The following SORCS3 variants were observed in gnomAD, a reference collection of about 807,000 sequenced individuals.
The protein encoded by SORCS3 is VPS10 domain-containing receptor SorCS3.
SORCS3 carries 57 observed loss-of-function variants against 146.3 expected under a neutral mutation model. That is an observed-to-expected ratio of 0.39 (90% CI 0.31 to 0.49). The LOEUF is 0.49. SORCS3 is among the 20% of genes least tolerant of loss of function. The pLI, the probability that SORCS3 is intolerant of heterozygous loss-of-function variation, is 0.92. For synonymous variants in SORCS3, 653 were observed against 618.5 expected, an observed-to-expected ratio of 1.06 and a Z score of -0.83; for missense variants, 1,341 against 1,575.5, an observed-to-expected ratio of 0.85 and a Z score of 2.52.
At chr10:104,952,729 A>G (rs115577292) in intron 3 of SORCS3, among the ~76,000 whole-genome samples, 1,825 of 152,264 alleles carry the variant, frequency 0.012, 48 homozygotes, top group African/African-American at 0.042. Flanking sequence ...CACAGACAAC[A>G]AATGTTTTTG....
intron 2 of SORCS3, among the ~76,000 whole-genome samples, chr10:104,914,721 T>C (rs1023239750): frequency 5.9e-4 from 90 of 152,290 alleles, no homozygotes; most frequent in African/African-American, 1.9e-3. Flanking sequence ...TGATTAGCAT[T>C]AGAAGGTGGA....
chr10:105,083,509 C>G (rs930144846), intron 5 of SORCS3, among the ~76,000 whole-genome samples: 1 of 152,110 alleles, frequency 6.6e-6, no homozygotes, highest in Non-Finnish European at 1.5e-5. Flanking sequence ...TGCCTCTCCT[C>G]CCCTCCCTAA....
chr10:104,885,929 C>A (rs1289446666), intron 2 of SORCS3, among the ~76,000 whole-genome samples: 1 of 152,132 alleles, frequency 6.6e-6, no homozygotes, highest in East Asian at 1.9e-4. Context: ...TTTTCTGTGA[C>A]TGATGACTTA....
chr10:104,706,458 C>T (rs879852021), intron 1 of SORCS3, among the ~76,000 whole-genome samples: 6 of 152,080 alleles, frequency 3.9e-5, no homozygotes, highest in Admixed American at 2.0e-4. Flanking sequence ...CCGCCCACCT[C>T]GGCCTCCCAA....
chr10:105,089,814 C>T lies in SORCS3; in HGVS notation c.1068C>T (p.His356=). Residue 356 remains histidine, a synonymous_variant, in exon 6 of 27, where the codon CAC becomes CAT. Transcript: ENST00000369701. ...AGLDKEADLV[H]MEVRTTDGYA... is the part of the protein sequence containing the mutation. ...TGGATAAGGAGGCGGACCTGGTGCA[C>T]ATGGAGGTGCGGACCACGGATGGAT... 6.2e-7 allele frequency: 1 copy of T among 1,614,104 alleles called. No homozygotes were observed.
intron 2 of SORCS3, among the ~76,000 whole-genome samples, chr10:104,852,796 A>G (rs1333280567): frequency 1.3e-5 from 2 of 152,176 alleles, no homozygotes; most frequent in African/African-American, 2.4e-5. Flanking sequence ...AAGGTTAATA[A>G]TTGGAATGTG....
At chr10:105,036,282 T>C (rs1201480707) in intron 4 of SORCS3, among the ~76,000 whole-genome samples, 1 of 152,082 alleles carries the variant, frequency 6.6e-6, no homozygotes, top group Non-Finnish European at 1.5e-5. Context: ...GATCACTCCT[T>C]CCTTTGAGTT....
intron 4 of SORCS3, among the ~76,000 whole-genome samples, chr10:105,025,084 G>T (rs898323299): frequency 6.6e-6 from 1 of 152,164 alleles, no homozygotes; most frequent in African/African-American, 2.4e-5. Flanking sequence ...AGACAGAAGG[G>T]TAGAAACAAA....
At position 105,217,008 on chromosome 10, in the gene SORCS3, C is replaced by T. The variant is rs2056669205; in HGVS notation, c.2620C>T (p.Pro874Ser). ...TGCTGTGTCCTACGCAAACTTCAGC[C>T]CCATCGAGGACGGCATCAAGCACGT... Reference protein sequence around the residue: ...GIAVSYANFSPIEDGIKHVYK... With the variant: ...GIAVSYANFSSIEDGIKHVYK... The change falls in exon 19 of 27, where the codon CCC becomes TCC. Residue 874 changes from proline (P) to serine (S), a missense_variant. Pro to Ser is a moderately conservative substitution (Grantham distance 74, BLOSUM62 -1). Coordinates refer to ENST00000369701, the MANE Select transcript of SORCS3 (RefSeq NM_014978.3). 6.2e-7 allele frequency: 1 copy of T among 1,614,034 alleles called. No homozygotes were observed. Among genetic ancestry groups the T allele is most frequent in the African/African-American group, 1.3e-5 (1 of 74,892 alleles).
At chr10:104,699,531 G>A (rs898447331) in intron 1 of SORCS3, among the ~76,000 whole-genome samples, 1 of 152,120 alleles carries the variant, frequency 6.6e-6, no homozygotes, top group African/African-American at 2.4e-5. Context: ...AGATGAATGA[G>A]TAGAAGATGA....
chr10:104,997,026 A>T (rs1481389956), intron 4 of SORCS3, among the ~76,000 whole-genome samples: 1 of 152,152 alleles, frequency 6.6e-6, no homozygotes, highest in Non-Finnish European at 1.5e-5. Flanking sequence ...GATATTCTAG[A>T]TAGTGCAAAC....
chr10:104,726,120 C>T (rs1162229107), intron 1 of SORCS3, among the ~76,000 whole-genome samples: 4 of 152,306 alleles, frequency 2.6e-5, no homozygotes, highest in South Asian at 2.1e-4. Flanking sequence ...CTTTGATCCA[C>T]CCCAGTCTGC....
intron 2 of SORCS3, among the ~76,000 whole-genome samples, chr10:104,897,737 A>G (rs1467620760): frequency 6.6e-6 from 1 of 152,194 alleles, no homozygotes; most frequent in Non-Finnish European, 1.5e-5. Flanking sequence ...AGTGCAGAAT[A>G]TAGTCTTTCT....
chr10:105,021,334 AT>A (rs2055196479), intron 4 of SORCS3, among the ~76,000 whole-genome samples: 1 of 152,128 alleles, frequency 6.6e-6, no homozygotes. Flanking sequence ...TATGATCTAT[AT>A]TAATCCATTC....
intron 1 of SORCS3, among the ~76,000 whole-genome samples, chr10:104,751,020 T>C (rs2016976598): frequency 7.5e-6 from 1 of 133,406 alleles, no homozygotes; most frequent in Non-Finnish European, 1.7e-5. Flanking sequence ...TAATGAGATA[T>C]GGACAAATTG....
At chr10:104,677,417 A>T (rs1200924647) in intron 1 of SORCS3, among the ~76,000 whole-genome samples, 1 of 152,252 alleles carries the variant, frequency 6.6e-6, no homozygotes, top group Non-Finnish European at 1.5e-5. Flanking sequence ...AGGACTGAAG[A>T]AGAAACAGAA....
chr10:105,040,616 GAGA>G (rs2055332469), intron 4 of SORCS3, among the ~76,000 whole-genome samples: 1 of 152,116 alleles, frequency 6.6e-6, no homozygotes, highest in Non-Finnish European at 1.5e-5. Context: ...GAAGATCAGG[GAGA>G]AGCTACTCTG....
In SORCS3 at chr10:104,787,967, C is replaced by T. The variant is rs1486268059; in HGVS notation, c.628-54825C>T. On this transcript the variant is annotated intron_variant, in intron 1 of 26. Transcript: ENST00000369701. The stretch of plus-strand genomic sequence containing the variant: ...CCTGTCGACATCTCAAATTGAGAAG[C>T]CCATCAATGTGGCCTGGGCAGCCTC... 2.6e-5 allele frequency among the ~76,000 whole-genome samples: 4 copies of T among 152,162 alleles called. No homozygotes were observed. The East Asian group carries it at 7.7e-4, about 29-fold the overall frequency.
At chr10:104,810,428 T>C (rs1328595013) in intron 1 of SORCS3, among the ~76,000 whole-genome samples, 1 of 152,238 alleles carries the variant, frequency 6.6e-6, no homozygotes, top group Non-Finnish European at 1.5e-5. Context: ...TACTGTTTTA[T>C]GGATTGCATT....
Sources: allele counts gnomAD v4.1 joint callset (sites outside exome capture counted in the v4.1 genomes callset), GRCh38; gene constraint gnomAD v4.1.1; transcripts MANE v1.5; gene names NCBI Gene and HGNC (gene_info 2026-07-23, HGNC 2026-07-21).